MRPS6: variants seen among roughly 807,000 people sequenced by gnomAD.
MRPS6 encodes small ribosomal subunit protein bS6m.
Under a neutral mutation model 13.1 loss-of-function variants are expected in MRPS6, and 6 were observed. The ratio of observed to expected loss-of-function variants is 0.46; its 90% CI spans 0.25 to 0.91. MRPS6 has a LOEUF of 0.91. MRPS6 is among the 40% of genes least tolerant of loss of function. The pLI, the probability that MRPS6 is intolerant of heterozygous loss-of-function variation, is 0.18. For missense variants in MRPS6, 164 were observed against 155.6 expected (o/e 1.05, Z -0.29); for synonymous variants, 61 against 56.5 (o/e 1.08, Z -0.36).
chr21:34,078,850 T>G (rs1162058751), intron 1 of MRPS6, among the ~76,000 whole-genome samples: 1 of 152,234 alleles, frequency 6.6e-6, no homozygotes, highest in Admixed American at 6.5e-5. Flanking sequence ...CTATTTAATG[T>G]TCTTAGCTTT....
chr21:34,103,235 C>T, intron 1 of MRPS6: 4 of 999,130 alleles, frequency 4.0e-6, no homozygotes, highest in Non-Finnish European at 4.8e-6. Context: ...ATTGACTCTG[C>T]TAGTTTGCAC....
At chr21:34,103,838 TGGGGGTTAC>T in intron 1 of MRPS6, 1 of 1,000,010 alleles carries the variant, frequency 1.0e-6, no homozygotes. Flanking sequence ...AAATTATATT[TGGGGGTTAC>T]TAGCTAAAAT....
At chr21:34,074,172 G>A (rs1193706200) in intron 1 of MRPS6, among the ~76,000 whole-genome samples, 4 of 149,564 alleles carry the variant, frequency 2.7e-5, no homozygotes, top group Non-Finnish European at 6.0e-5. Context: ...CGCCGCCGCC[G>A]CCTGGTCCGT....
At chr21:34,131,837 C>T (rs1980511183) in intron 2 of MRPS6, among the ~76,000 whole-genome samples, 1 of 152,182 alleles carries the variant, frequency 6.6e-6, no homozygotes, top group East Asian at 1.9e-4. Context: ...GCGGTGGAAG[C>T]CTGGGTTTCT....
intron 1 of MRPS6, chr21:34,101,437 T>G (rs1162692817): frequency 1.1e-5 from 11 of 1,000,078 alleles, no homozygotes; most frequent in East Asian, 1.1e-4. Flanking sequence ...GATTTTGCAT[T>G]AGCCAGATGC....
chr21:34,136,252 A>G (rs752777678), intron 2 of MRPS6, among the ~76,000 whole-genome samples: 1 of 152,090 alleles, frequency 6.6e-6, no homozygotes, highest in Non-Finnish European at 1.5e-5. Flanking sequence ...GGTTCCAGCA[A>G]TTCCCCTGCT....
At chr21:34,074,000 G>C (rs2148649283) in intron 1 of MRPS6, among the ~76,000 whole-genome samples, 1 of 146,114 alleles carries the variant, frequency 6.8e-6, no homozygotes, top group Admixed American at 6.8e-5. Context: ...CCTCGCAAGC[G>C]GCCCGCCGGG....
At chr21:34,126,171 C>G (rs1980297470) in intron 2 of MRPS6, among the ~76,000 whole-genome samples, 1 of 151,934 alleles carries the variant, frequency 6.6e-6, no homozygotes, top group South Asian at 2.1e-4. Context: ...TCAGCTCTCT[C>G]TGGCACTCAG....
chr21:34,107,613 A>G (rs1427340619), intron 1 of MRPS6, among the ~76,000 whole-genome samples: 2 of 152,038 alleles, frequency 1.3e-5, no homozygotes, highest in East Asian at 3.9e-4. Flanking sequence ...TGTAATGGCT[A>G]TTTTCTAGCC....
intron 1 of MRPS6, among the ~76,000 whole-genome samples, chr21:34,110,305 T>C (rs1979645576): frequency 6.6e-6 from 1 of 151,902 alleles, no homozygotes; most frequent in Admixed American, 6.6e-5. Context: ...ATCTACAAAA[T>C]ACACAAAAGT....
intron 1 of MRPS6, chr21:34,100,469 C>A: frequency 1.0e-6 from 1 of 1,000,172 alleles, no homozygotes; most frequent in Non-Finnish European, 1.2e-6. Flanking sequence ...CAAGCAATAG[C>A]AATGGTGCTG....
chr21:34,138,079 T>A (rs979844108), intron 2 of MRPS6, among the ~76,000 whole-genome samples: 3 of 152,008 alleles, frequency 2.0e-5, no homozygotes, highest in Non-Finnish European at 2.9e-5. Context: ...TTGGTTTGGG[T>A]ATAGGGTAAT....
At position 34,142,303 on chromosome 21, in the gene MRPS6, T is replaced by G; in HGVS notation, c.186-105T>G. On this transcript the variant is annotated intron_variant, in intron 2 of 2. Transcript: ENST00000399312. ...ATGTGTGTGTATGTGTGTGTTTGTG[T>G]GTAGTTGATGTCTGTCTAGGAAGAG... is the stretch of plus-strand genomic sequence containing the variant. 2 of 1,232,882 alleles carry G rather than the reference T, an allele frequency of 1.6e-6. 1 individual carries two copies. The highest frequency in any genetic ancestry group is 2.2e-6 in the Non-Finnish European group (2 of 911,276). 76.4% of individuals were successfully genotyped at this position (1,232,882 alleles called of 1,614,324 possible).
intron 2 of MRPS6, among the ~76,000 whole-genome samples, chr21:34,138,729 A>G (rs1432302272): frequency 6.6e-6 from 1 of 152,174 alleles, no homozygotes; most frequent in African/African-American, 2.4e-5. Flanking sequence ...ACACTTTTAC[A>G]CTGTTGGTTG....
At chr21:34,086,610 A>T (rs1031406219) in intron 1 of MRPS6, among the ~76,000 whole-genome samples, 4 of 152,028 alleles carry the variant, frequency 2.6e-5, no homozygotes, top group African/African-American at 9.7e-5. Context: ...AAGGATGTTC[A>T]TGAACTCCCT....
At chr21:34,109,845 T>C (rs1201347649) in intron 1 of MRPS6, among the ~76,000 whole-genome samples, 1 of 152,058 alleles carries the variant, frequency 6.6e-6, no homozygotes, top group Non-Finnish European at 1.5e-5. Context: ...CATCAAAACA[T>C]CACATTGTTT....
chr21:34,138,360 G>A (rs1186013146), intron 2 of MRPS6, among the ~76,000 whole-genome samples: 1 of 151,838 alleles, frequency 6.6e-6, no homozygotes, highest in African/African-American at 2.4e-5. Flanking sequence ...GTAATGCCTA[G>A]GTTTTCTTCT....
chr21:34,132,931 G>T (rs894671602), intron 2 of MRPS6, among the ~76,000 whole-genome samples: 3 of 152,164 alleles, frequency 2.0e-5, no homozygotes, highest in Non-Finnish European at 4.4e-5. Flanking sequence ...ACCTTTTTGA[G>T]TCTCTCTTCT....
chr21:34,091,037 C>G (rs1352890340), intron 1 of MRPS6, among the ~76,000 whole-genome samples: 1 of 151,796 alleles, frequency 6.6e-6, no homozygotes, highest in Non-Finnish European at 1.5e-5. Flanking sequence ...AATTAGTTTT[C>G]AGAGGTGTCT....
Sources: allele counts gnomAD v4.1 joint callset (sites outside exome capture counted in the v4.1 genomes callset), GRCh38; gene constraint gnomAD v4.1.1; transcripts MANE v1.5; gene names NCBI Gene and HGNC (gene_info 2026-07-23, HGNC 2026-07-21).